NFIX: variants seen among roughly 807,000 people sequenced by gnomAD.
NFIX encodes the protein nuclear factor I X, also known as nuclear factor 1 X-type.
In NFIX, 2 loss-of-function variants were observed where a neutral mutation model predicts 53.3. The ratio of observed to expected loss-of-function variants is 0.04; its 90% CI spans 0.02 to 0.12. NFIX has a LOEUF of 0.12. Ranked by LOEUF, NFIX falls within the 10% of genes least tolerant of loss-of-function variation. NFIX has a pLI of 1.00. For missense variants in NFIX, 310 were observed against 674.5 expected, an observed-to-expected ratio of 0.46 and a Z score of 5.99; for synonymous variants, 244 against 289.0, an observed-to-expected ratio of 0.84 and a Z score of 1.58.
rs975450651 is a variant in NFIX at position 13,024,548 on chromosome 19, C to T, written c.28-473C>T. On this transcript the variant is annotated intron_variant, in intron 1 of 10. Transcript: ENST00000592199. ...GTCGGGGACCAGAGGCGGCCCCGCACGCCCCCGCGTGTGCGTCCACGGGCG... is the reference window on the plus strand; with the variant it reads ...GTCGGGGACCAGAGGCGGCCCCGCATGCCCCCGCGTGTGCGTCCACGGGCG... 1.5e-5 allele frequency: 23 copies of T among 1,529,298 alleles called. No individual in the cohort carries two copies. In the Admixed American group the frequency reaches 3.7e-4, roughly 25 times the overall value. 94.7% of individuals were successfully genotyped at this position (1,529,298 alleles called of 1,614,324 possible).
In NFIX at chr19:13,089,008, C is replaced by CA. The variant is rs1005956052; in HGVS notation, c.1402+873dup. On this transcript the variant is annotated intron_variant, in intron 9 of 10. Transcript: ENST00000592199. This position sits in a 1 kb window ranked among gnomAD's most constrained non-coding sequence, Gnocchi z 4.8. ...TGGGCAGCTCTGGGGGTGGGCAGGC[C>CA]ACAGGCCAGGGCAGTTCGGTGGCGG... 9.9e-5 allele frequency among the ~76,000 whole-genome samples: 15 copies of CA among 151,814 alleles called. No individual in the cohort carries two copies. The highest frequency in any genetic ancestry group is 3.6e-4 in the African/African-American group (15 of 41,314).
At chr19:13,076,483 CAT>C (rs762358728) in intron 6 of NFIX, among the ~76,000 whole-genome samples, 14 of 152,138 alleles carry the variant, frequency 9.2e-5, no homozygotes, top group African/African-American at 2.4e-4. Context: ...TGCATGAGCA[CAT>C]GTGTGTGAGG....
intron 2 of NFIX, among the ~76,000 whole-genome samples, chr19:13,065,059 G>A (rs1182811515): frequency 1.3e-5 from 2 of 152,124 alleles, no homozygotes; most frequent in African/African-American, 4.8e-5. Flanking sequence ...GGGAGCCTTG[G>A]TATGCCGTTG....
chr19:13,004,232 A>G (rs779267107), intron 1 of NFIX, among the ~76,000 whole-genome samples: 16 of 152,038 alleles, frequency 1.1e-4, no homozygotes, highest in Non-Finnish European at 2.1e-4. Context: ...AAACCCTGCC[A>G]TGCATCCCCA....
At chr19:13,091,293 C>T (rs551600885) in intron 10 of NFIX, among the ~76,000 whole-genome samples, 1 of 151,726 alleles carries the variant, frequency 6.6e-6, no homozygotes, top group South Asian at 2.1e-4. Flanking sequence ...CCTCTCATCT[C>T]CTGCTCTGCC....
At chr19:13,085,311 G>A (rs1156380626) in intron 8 of NFIX, among the ~76,000 whole-genome samples, 4 of 152,150 alleles carry the variant, frequency 2.6e-5, no homozygotes, top group African/African-American at 9.7e-5. Context: ...AGCATTATTG[G>A]GTGGGATTAA....
intron 1 of NFIX, among the ~76,000 whole-genome samples, chr19:13,020,500 T>C (rs2012909250): frequency 6.6e-6 from 1 of 152,154 alleles, no homozygotes; most frequent in Non-Finnish European, 1.5e-5. Context: ...CCTCCTCCAC[T>C]GGGAGCCAGC....
intron 8 of NFIX, among the ~76,000 whole-genome samples, chr19:13,083,651 ACC>A (rs765875158): frequency 2.0e-5 from 3 of 152,194 alleles, no homozygotes; most frequent in Non-Finnish European, 4.4e-5. Flanking sequence ...GCAAACAGGC[ACC>A]TTGATTAAGC....
chr19:13,053,472 C>T (rs1568296256), intron 2 of NFIX, among the ~76,000 whole-genome samples: 1 of 152,170 alleles, frequency 6.6e-6, no homozygotes, highest in Non-Finnish European at 1.5e-5. Flanking sequence ...CAAGGCCTTC[C>T]CTCCCTTCCG....
At chr19:13,074,927 A>G (rs969887606) in intron 5 of NFIX, among the ~76,000 whole-genome samples, 3 of 151,814 alleles carry the variant, frequency 2.0e-5, no homozygotes, top group African/African-American at 7.2e-5. Flanking sequence ...AAAATTAGCC[A>G]GGCGTGGTGG....
At position 13,081,889 on chromosome 19, in the gene NFIX, GC is replaced by G. The variant is rs2017492773; in HGVS notation, c.1254+36del. Reference sequence around the variant, plus strand: ...AGAGGGCCCCAGGAGCCCGGCTACAGCCTCATCTCCACATCTATCTGTCTGT... The same window carrying G: ...AGAGGGCCCCAGGAGCCCGGCTACAGCTCATCTCCACATCTATCTGTCTGT... On this transcript the variant is annotated intron_variant, in intron 8 of 10. Transcript: ENST00000592199. The surrounding 1 kb of genome is among the most constrained non-coding windows in gnomAD (Gnocchi z 4.7). 3.1e-6 allele frequency: 5 copies of G among 1,609,498 alleles called. No homozygotes were observed. In the African/African-American group the frequency reaches 6.7e-5, roughly 21 times the overall value.
chr19:13,010,756 G>A (rs2012295622), intron 1 of NFIX, among the ~76,000 whole-genome samples: 1 of 152,176 alleles, frequency 6.6e-6, no homozygotes, highest in Non-Finnish European at 1.5e-5. Context: ...GCCTGCACAC[G>A]CGTGTTTCAC....
intron 2 of NFIX, among the ~76,000 whole-genome samples, chr19:13,057,109 C>G (rs1338070606): frequency 1.3e-5 from 2 of 152,242 alleles, no homozygotes; most frequent in East Asian, 3.9e-4. Context: ...CAGGGCAAGG[C>G]CGCACTTGTC....
rs944813736 is a variant in NFIX at position 13,012,105 on chromosome 19, C to G, written c.28-12916C>G. 1 of 152,364 alleles carries G rather than the reference C, an allele frequency of 6.6e-6. No homozygotes were observed. Among genetic ancestry groups the G allele is most frequent in the Non-Finnish European group, 1.5e-5 (1 of 68,156 alleles). The allele number at this position is 152,364 out of a possible 1,614,324, so 9.4% of individuals were successfully genotyped here. ...CCGCGGGACACGAGCGGGCCGTGCG[C>G]AAAGCCTGGCGCGCGCGTGCGCAGC... is the stretch of plus-strand genomic sequence containing the variant. On this transcript the variant is annotated intron_variant, in intron 1 of 10. Transcript: ENST00000592199. The surrounding 1 kb of genome is among the most constrained non-coding windows in gnomAD (Gnocchi z 5.0).
rs548604786 is a variant in NFIX, at chr19:13,070,516, G to A, written c.560-2531G>A. 256 of 152,756 alleles carry A rather than the reference G, an allele frequency of 1.7e-3. 2 individuals carry two copies. Among genetic ancestry groups the A allele is most frequent in the Non-Finnish European group, 3.2e-3 (217 of 68,336 alleles). The allele number at this position is 152,756 out of a possible 1,614,324, so 9.5% of individuals were successfully genotyped here. ...GGCCCTGGCTGCAGCTGCCCCGGCC[G>A]CAGGCCTGGCTCCTGTGCCTCTGAG... On this transcript the variant is annotated intron_variant, in intron 2 of 10. Coordinates refer to ENST00000592199, the MANE Select transcript of NFIX (RefSeq NM_001365902.3).
At position 13,098,588 on chromosome 19, in the gene NFIX, G is replaced by T. The variant is rs1459651410; in HGVS notation, c.*3939G>T. 2 of 150,932 alleles carry T rather than the reference G, an allele frequency of 1.3e-5. No individual in the cohort carries two copies. The highest frequency in any genetic ancestry group is 4.9e-5 in the African/African-American group (2 of 40,708). 9.3% of individuals were successfully genotyped at this position (150,932 alleles called of 1,614,324 possible). A position where few individuals can be genotyped will look rare whatever the true frequency, so the allele number is the denominator to read the frequency against. ...GCACTGAGATACATAAGAAACAAGG[G>T]TAGTTTACTGTCTGTTTTGTTTTCT... On this transcript the variant is annotated 3_prime_UTR_variant, in exon 11 of 11. Transcript: ENST00000592199.
rs2018416837 is a variant in NFIX at position 13,095,862 on chromosome 19, C to G, written c.*1213C>G. The G allele has an allele frequency of 2.1e-5, 3 of 144,138 alleles. No individual in the cohort carries two copies. Among genetic ancestry groups the G allele is most frequent in the Admixed American group, 6.9e-5 (1 of 14,514 alleles). The allele number at this position is 144,138 out of a possible 1,614,324, so 8.9% of individuals were successfully genotyped here. A position where few individuals can be genotyped will look rare whatever the true frequency, so the allele number is the denominator to read the frequency against. On this transcript the variant is annotated 3_prime_UTR_variant, in exon 11 of 11. Coordinates refer to ENST00000592199, the MANE Select transcript of NFIX (RefSeq NM_001365902.3). The stretch of plus-strand genomic sequence containing the variant: ...CCGCCCCCCACGTGGCCACTTTTCT[C>G]TGGATTTTAGCTGTAATGTCTTTAC...
intron 10 of NFIX, among the ~76,000 whole-genome samples, chr19:13,092,795 G>T (rs1280694297): frequency 1.3e-5 from 2 of 152,224 alleles, no homozygotes; most frequent in Non-Finnish European, 2.9e-5. Context: ...GGAGCTGGCT[G>T]CGGGCCGGTT....
intron 1 of NFIX, among the ~76,000 whole-genome samples, chr19:13,007,143 C>T (rs1483132591): frequency 6.6e-6 from 1 of 152,122 alleles, no homozygotes; most frequent in African/African-American, 2.4e-5. Flanking sequence ...GCCTGCTTGC[C>T]TGTAATGGCT....
Sources: gnomAD v4.1 joint callset for allele counts (sites outside exome capture counted in the v4.1 genomes callset) on GRCh38, gnomAD v4.1.1 for gene constraint, Gnocchi (gnomAD v3.1) non-coding constraint, MANE v1.5 for transcripts, NCBI Gene and HGNC (gene_info 2026-07-23, HGNC 2026-07-21) for gene names.